MAPRE3: variants seen among roughly 807,000 people sequenced by gnomAD.
The protein encoded by MAPRE3 is microtubule-associated protein RP/EB family member 3.
MAPRE3 carries 2 observed loss-of-function variants against 30.5 expected under a neutral mutation model. The ratio of observed to expected loss-of-function variants is 0.07; its 90% CI spans 0.03 to 0.21. MAPRE3 has a LOEUF of 0.21. Among genes scored for constraint, MAPRE3 ranks in the 10% least tolerant of loss-of-function variants. The probability of loss-of-function intolerance (pLI) is 1.00; values close to 1 mark genes in which losing one functional copy is unlikely to be tolerated. For missense variants in MAPRE3, 204 were observed against 351.8 expected, an observed-to-expected ratio of 0.58 and a Z score of 3.36; for synonymous variants, 110 against 127.7, an observed-to-expected ratio of 0.86 and a Z score of 0.93.
At chr2:27,019,283 G>A (rs2148225881) in intron 1 of MAPRE3, among the ~76,000 whole-genome samples, 1 of 151,784 alleles carries the variant, frequency 6.6e-6, no homozygotes, top group East Asian at 2.0e-4. Context: ...GTCTCCCACA[G>A]AGGGGGTCAG....
chr2:27,020,354 A>G (rs547505791), intron 1 of MAPRE3, among the ~76,000 whole-genome samples: 2 of 152,390 alleles, frequency 1.3e-5, no homozygotes, highest in South Asian at 2.1e-4. Flanking sequence ...GACACTTTAC[A>G]TATTAAACCT....
intron 3 of MAPRE3, 48 bp downstream of exon 3, chr2:27,023,525 G>A: frequency 1.2e-6 from 2 of 1,609,862 alleles, no homozygotes; most frequent in Non-Finnish European, 1.7e-6. Flanking sequence ...GTGACCCTGG[G>A]GAAGAAGAGG....
At position 27,020,861 on chromosome 2, in the gene MAPRE3, G is replaced by C. The variant is rs370730568; in HGVS notation, c.-7-1351G>C. Among the ~76,000 whole-genome samples, 14 of 152,330 alleles carry C rather than the reference G, an allele frequency of 9.2e-5. No individual in the cohort carries two copies. In the South Asian group the frequency reaches 2.7e-3, roughly 29 times the overall value. On this transcript the variant is annotated intron_variant, in intron 1 of 6. Coordinates refer to ENST00000233121, the MANE Select transcript of MAPRE3 (RefSeq NM_012326.4). ...GATGGATTAAGAGGAGGGAGAGACTGGAGGCTGGAAGGCCTTTTAGGAGGC... is the reference window on the plus strand; with the variant it reads ...GATGGATTAAGAGGAGGGAGAGACTCGAGGCTGGAAGGCCTTTTAGGAGGC...
At chr2:27,019,430 G>C (rs554884471) in intron 1 of MAPRE3, among the ~76,000 whole-genome samples, 21 of 152,150 alleles carry the variant, frequency 1.4e-4, no homozygotes, top group Admixed American at 5.9e-4. Flanking sequence ...GATTCAGAAA[G>C]AGGAGAGGAC....
At chr2:26,995,473 T>C (rs989605643) in intron 1 of MAPRE3, 3 of 152,156 alleles carry the variant, frequency 2.0e-5, no homozygotes, top group African/African-American at 7.2e-5. Context: ...GTAAGGAACT[T>C]ACCAAAGAAT....
chr2:27,004,873 A>G (rs938681168), intron 1 of MAPRE3, among the ~76,000 whole-genome samples: 1 of 152,102 alleles, frequency 6.6e-6, no homozygotes, highest in Non-Finnish European at 1.5e-5. Flanking sequence ...ATGAGCACAC[A>G]GATGACTTGT....
At chr2:26,976,520 A>G (rs1666017627) in intron 1 of MAPRE3, among the ~76,000 whole-genome samples, 1 of 152,140 alleles carries the variant, frequency 6.6e-6, no homozygotes, top group Non-Finnish European at 1.5e-5. Context: ...CACAGAGTTG[A>G]CTGGCCAATA....
At chr2:27,024,596 TG>T (rs771079614) in intron 4 of MAPRE3, among the ~76,000 whole-genome samples, 7 of 152,216 alleles carry the variant, frequency 4.6e-5, no homozygotes, top group Non-Finnish European at 7.3e-5. Context: ...CTCAAGATGA[TG>T]GGGCAGCAAG....
chr2:26,995,842 T>TGTGTGTGTGTGTGTGTGTGTGTGTGTGTG (rs1572753429), intron 1 of MAPRE3, among the ~76,000 whole-genome samples: 1 of 150,118 alleles, frequency 6.7e-6, no homozygotes, highest in Non-Finnish European at 1.5e-5. Flanking sequence ...TGTGTGTGTG[T>TGTGTGTGTGTGTGTGTGTGTGTGTGTGTG]TTTGGAAAAG....
intron 1 of MAPRE3, among the ~76,000 whole-genome samples, chr2:26,988,553 A>G (rs932204203): frequency 2.6e-5 from 4 of 152,332 alleles, no homozygotes; most frequent in African/African-American, 9.6e-5. Context: ...GAAAACTGCA[A>G]TGTAAAACTC....
rs1484261013 is a variant in MAPRE3, at chr2:26,986,739, CA to C, written c.-8+15938del. ...AAGGGTATTCCGTGCAGCCATCAAT[CA>C]TAGCACTGGTGCCTGTGGAGACACC... On this transcript the variant is annotated intron_variant, in intron 1 of 6. Coordinates refer to ENST00000233121, the MANE Select transcript of MAPRE3 (RefSeq NM_012326.4). The surrounding 1 kb of genome is among the most constrained non-coding windows in gnomAD (Gnocchi z 4.2). 1 of 152,280 alleles carries C rather than the reference CA, an allele frequency of 6.6e-6. No individual in the cohort carries two copies. The highest frequency in any genetic ancestry group is 1.5e-5 in the Non-Finnish European group (1 of 68,116). The allele number at this position is 152,280 out of a possible 1,614,324, so 9.4% of individuals were successfully genotyped here. A position where few individuals can be genotyped will look rare whatever the true frequency, so the allele number is the denominator to read the frequency against.
At chr2:26,996,651 G>A (rs1666467562) in intron 1 of MAPRE3, among the ~76,000 whole-genome samples, 2 of 152,030 alleles carry the variant, frequency 1.3e-5, no homozygotes, top group South Asian at 4.1e-4. Context: ...TTAGCCGGGC[G>A]CCGTGGTGGG....
intron 1 of MAPRE3, among the ~76,000 whole-genome samples, chr2:27,010,320 G>A (rs79608702): frequency 0.024 from 3,590 of 152,184 alleles, 168 homozygotes; most frequent in African/African-American, 0.083. Flanking sequence ...ATCGTGAGTC[G>A]CACTCATGGG....
chr2:27,018,770 C>T (rs75669170), intron 1 of MAPRE3, among the ~76,000 whole-genome samples: 1 of 152,276 alleles, frequency 6.6e-6, no homozygotes, highest in Non-Finnish European at 1.5e-5. Context: ...GTCTGCAATT[C>T]CACTCCACCA....
chr2:27,009,305 T>G (rs1452972346), intron 1 of MAPRE3, among the ~76,000 whole-genome samples: 3 of 152,216 alleles, frequency 2.0e-5, no homozygotes, highest in Non-Finnish European at 4.4e-5. Flanking sequence ...GGAAGCTGGA[T>G]GAGTAGACAT....
chr2:27,014,787 A>T (rs1558384247), intron 1 of MAPRE3: 1 of 152,266 alleles, frequency 6.6e-6, no homozygotes, highest in Non-Finnish European at 1.5e-5. Flanking sequence ...AATAACCTGG[A>T]TGTGTGACTC....
intron 1 of MAPRE3, among the ~76,000 whole-genome samples, chr2:27,019,340 G>T (rs1249038869): frequency 6.6e-6 from 1 of 151,128 alleles, no homozygotes; most frequent in Admixed American, 6.6e-5. Flanking sequence ...TGAGTGCTGG[G>T]GGAGGGAGGA....
intron 1 of MAPRE3, among the ~76,000 whole-genome samples, chr2:27,005,490 A>G (rs1385221708): frequency 6.6e-6 from 1 of 152,224 alleles, no homozygotes; most frequent in Non-Finnish European, 1.5e-5. Flanking sequence ...GCAAATCCTC[A>G]GTCCCACATT....
Position 26,978,137 on chromosome 2 carries a change from T to C in MAPRE3, c.-8+7335T>C, listed in dbSNP as rs543512230. 1.2e-4 allele frequency among the ~76,000 whole-genome samples: 18 copies of C among 152,250 alleles called. No individual in the cohort carries two copies. In the South Asian group the frequency reaches 3.5e-3, roughly 30 times the overall value. On this transcript the variant is annotated intron_variant, in intron 1 of 6. Transcript: ENST00000233121. ...AGACTCCACCACTCGGAGAGAGTGA[T>C]TGTGGGAGAAACAGTCATCTTATCT...
Sources: gnomAD v4.1 joint callset for allele counts (sites outside exome capture counted in the v4.1 genomes callset) on GRCh38, gnomAD v4.1.1 for gene constraint, Gnocchi (gnomAD v3.1) non-coding constraint, MANE v1.5 for transcripts, NCBI Gene and HGNC (gene_info 2026-07-23, HGNC 2026-07-21) for gene names.